The following PSD3 variants were observed in gnomAD, a reference collection of about 807,000 sequenced individuals.
PSD3 encodes PH and SEC7 domain-containing protein 3.
In PSD3, 49 loss-of-function variants were observed where a neutral mutation model predicts 105.5. That is an observed-to-expected ratio of 0.46 (90% CI 0.37 to 0.59). The LOEUF is 0.59. PSD3 is among the 20% of genes least tolerant of loss of function. The pLI, the probability that PSD3 is intolerant of heterozygous loss-of-function variation, is 0.00. For missense variants in PSD3, 1,561 were observed against 1,263.8 expected (o/e 1.24, Z -3.57); for synonymous variants, 557 against 457.8 (o/e 1.22, Z -2.77).
chr8:19,069,748 C>T (rs1361004322), intron 1 of PSD3, among the ~76,000 whole-genome samples: 2 of 152,170 alleles, frequency 1.3e-5, no homozygotes, highest in South Asian at 4.1e-4. Context: ...CCCTGAATCA[C>T]TCAGCTAGCT....
At chr8:18,755,054 A>T (rs1333891220) in intron 9 of PSD3, among the ~76,000 whole-genome samples, 1 of 152,104 alleles carries the variant, frequency 6.6e-6, no homozygotes, top group East Asian at 1.9e-4. Context: ...TCATGATGTG[A>T]CCAGTTACAT....
At chr8:19,079,105 T>C (rs929478951) in intron 1 of PSD3, among the ~76,000 whole-genome samples, 2 of 151,978 alleles carry the variant, frequency 1.3e-5, no homozygotes, top group African/African-American at 4.8e-5. Context: ...TCCACAGGAC[T>C]CCTGTGTGTG....
At chr8:18,763,908 A>C (rs1464400145) in intron 9 of PSD3, among the ~76,000 whole-genome samples, 1 of 152,138 alleles carries the variant, frequency 6.6e-6, no homozygotes, top group African/African-American at 2.4e-5. Flanking sequence ...CAAATAATAC[A>C]TACTTTCCCA....
chr8:18,711,116 C>T (rs918556681), intron 9 of PSD3, among the ~76,000 whole-genome samples: 3 of 152,166 alleles, frequency 2.0e-5, no homozygotes, highest in Non-Finnish European at 4.4e-5. Flanking sequence ...CCAGACCTGC[C>T]TTGCAAGAAC....
At chr8:18,914,278 G>A (rs1820438682) in intron 2 of PSD3, among the ~76,000 whole-genome samples, 2 of 150,848 alleles carry the variant, frequency 1.3e-5, no homozygotes, top group Admixed American at 1.3e-4. Context: ...TATGTGACAA[G>A]CCCACAGCTA....
chr8:18,591,106 T>A (rs1425018581), intron 12 of PSD3, among the ~76,000 whole-genome samples: 3 of 151,970 alleles, frequency 2.0e-5, no homozygotes, highest in African/African-American at 7.3e-5. Flanking sequence ...CAAAATCCAG[T>A]GAAGAGGTTG....
chr8:18,764,280 C>T (rs545234100), intron 9 of PSD3, among the ~76,000 whole-genome samples: 5 of 152,242 alleles, frequency 3.3e-5, no homozygotes, highest in Non-Finnish European at 7.4e-5. Context: ...TAACACCATA[C>T]GGATTCAATG....
chr8:18,561,426 A>G (rs1328008232), intron 14 of PSD3, among the ~76,000 whole-genome samples: 2 of 152,186 alleles, frequency 1.3e-5, no homozygotes, highest in East Asian at 1.9e-4. Flanking sequence ...AAAACAATTG[A>G]ACTCATAGAA....
intron 4 of PSD3, among the ~76,000 whole-genome samples, chr8:18,811,119 T>G (rs775284677): frequency 2.0e-5 from 3 of 152,168 alleles, no homozygotes; most frequent in Non-Finnish European, 2.9e-5. Flanking sequence ...ATAAACCTAA[T>G]AGGTTAACAA....
chr8:18,734,115 T>C (rs1186196889), intron 9 of PSD3: 1 of 152,210 alleles, frequency 6.6e-6, no homozygotes, highest in East Asian at 1.9e-4. Flanking sequence ...ATTCTTAATA[T>C]TGACAAACAT....
chr8:18,764,015 C>A (rs1166899491), intron 9 of PSD3, among the ~76,000 whole-genome samples: 1 of 152,192 alleles, frequency 6.6e-6, no homozygotes. Context: ...TCAAGGTGAA[C>A]AGTAGCCTCT....
intron 11 of PSD3, among the ~76,000 whole-genome samples, chr8:18,623,593 T>C (rs772672103): frequency 6.6e-5 from 10 of 150,424 alleles, no homozygotes; most frequent in East Asian, 2.0e-4. Context: ...TGAGCTACAA[T>C]TGCATGTACC....
chr8:18,760,911 C>A (rs1017302578), intron 9 of PSD3, among the ~76,000 whole-genome samples: 1 of 151,990 alleles, frequency 6.6e-6, no homozygotes, highest in African/African-American at 2.4e-5. Context: ...CTCTAGCAAC[C>A]CTTGTCTCCC....
chr8:18,582,908 C>A (rs1321962927), intron 12 of PSD3, among the ~76,000 whole-genome samples: 1 of 150,270 alleles, frequency 6.7e-6, no homozygotes, highest in South Asian at 2.1e-4. Flanking sequence ...TCACTGCAAC[C>A]TCCACCTCCT....
chr8:18,545,455 G>A (rs1021498025), intron 15 of PSD3, among the ~76,000 whole-genome samples: 1 of 151,748 alleles, frequency 6.6e-6, no homozygotes, highest in African/African-American at 2.4e-5. Flanking sequence ...TGGGATTACC[G>A]AGTTTGTTGT....
chr8:18,606,599 A>C (rs558122938), intron 11 of PSD3, among the ~76,000 whole-genome samples: 30 of 152,224 alleles, frequency 2.0e-4, no homozygotes, highest in Non-Finnish European at 3.8e-4. Flanking sequence ...ATTTATGCAC[A>C]AACTTTGTTA....
chr8:18,870,659 C>A (rs887919374), intron 3 of PSD3, among the ~76,000 whole-genome samples: 3 of 149,918 alleles, frequency 2.0e-5, no homozygotes, highest in African/African-American at 7.4e-5. Context: ...TGCACATGTA[C>A]CCCAGAACCT....
intron 1 of PSD3, among the ~76,000 whole-genome samples, chr8:18,992,436 T>G (rs1462532794): frequency 1.3e-5 from 2 of 152,214 alleles, no homozygotes; most frequent in Non-Finnish European, 2.9e-5. Flanking sequence ...AAATACTTGT[T>G]GAATGAATGG....
At chr8:18,876,342 G>A (rs1268945879) in intron 2 of PSD3, among the ~76,000 whole-genome samples, 13 of 152,082 alleles carry the variant, frequency 8.5e-5, no homozygotes, top group Non-Finnish European at 1.9e-4. Context: ...TGGCTGCTAT[G>A]AATAAAAAAT....
Sources: gnomAD v4.1 joint callset for allele counts (sites outside exome capture counted in the v4.1 genomes callset) on GRCh38, gnomAD v4.1.1 for gene constraint, MANE v1.5 for transcripts, NCBI Gene and HGNC (gene_info 2026-07-23, HGNC 2026-07-21) for gene names.